ARNT2: variants seen among roughly 807,000 people sequenced by gnomAD.
The protein encoded by ARNT2 is aryl hydrocarbon receptor nuclear translocator 2, also known as ARNT protein 2.
Under a neutral mutation model 91.7 loss-of-function variants are expected in ARNT2, and 36 were observed. The observed-to-expected ratio is 0.39, with a 90% CI of 0.30 to 0.52. ARNT2 has a LOEUF of 0.52. ARNT2 is among the 20% of genes least tolerant of loss of function. The pLI, the probability that ARNT2 is intolerant of heterozygous loss-of-function variation, is 0.72. For missense variants in ARNT2, 775 were observed against 939.3 expected (o/e 0.83, Z 2.29); for synonymous variants, 365 against 347.1 (o/e 1.05, Z -0.57).
chr15:80,503,796 A>G lies in ARNT2; in HGVS notation c.623-4360A>G, dbSNP rs562358997. Among the ~76,000 whole-genome samples the G allele has an allele frequency of 1.2e-3, 188 of 152,312 alleles. 3 individuals carry two copies. The highest frequency in any genetic ancestry group is 8.7e-3 in the South Asian group (42 of 4,822). Reference sequence around the variant, plus strand: ...TCAGCACACTGAGTCAAACCATTCCACTGAATAGAATTCTGGTCTACACAT... The same window carrying G: ...TCAGCACACTGAGTCAAACCATTCCGCTGAATAGAATTCTGGTCTACACAT... On this transcript the variant is annotated intron_variant, in intron 5 of 18. Coordinates refer to ENST00000303329, the MANE Select transcript of ARNT2 (RefSeq NM_014862.4).
chr15:80,482,354 T>C (rs1896903443), intron 5 of ARNT2, among the ~76,000 whole-genome samples: 1 of 152,164 alleles, frequency 6.6e-6, no homozygotes. Flanking sequence ...TGTTAAACCT[T>C]CCCAGGTGAT....
intron 1 of ARNT2, chr15:80,444,899 G>A (rs993246269): frequency 1.3e-5 from 2 of 151,042 alleles, no homozygotes; most frequent in African/African-American, 4.9e-5. Flanking sequence ...TGCAAATGGT[G>A]TGTATGTATG....
chr15:80,435,729 A>G (rs1342015527), intron 1 of ARNT2, among the ~76,000 whole-genome samples: 2 of 152,170 alleles, frequency 1.3e-5, no homozygotes, highest in Admixed American at 1.3e-4. Flanking sequence ...GCCGTGGATC[A>G]CTTGGCACTG....
intron 5 of ARNT2, among the ~76,000 whole-genome samples, chr15:80,495,155 C>T (rs1050367976): frequency 5.9e-5 from 9 of 152,310 alleles, no homozygotes; most frequent in African/African-American, 2.2e-4. Flanking sequence ...ACCCAAACCC[C>T]AGCCGCCATC....
chr15:80,453,581 C>T (rs1241783458), intron 2 of ARNT2, among the ~76,000 whole-genome samples: 1 of 152,210 alleles, frequency 6.6e-6, no homozygotes, highest in African/African-American at 2.4e-5. Flanking sequence ...CTCCTTCAAC[C>T]ACAGCCTAAA....
At chr15:80,480,591 G>A (rs1343900236) in intron 5 of ARNT2, among the ~76,000 whole-genome samples, 1 of 152,166 alleles carries the variant, frequency 6.6e-6, no homozygotes, top group Non-Finnish European at 1.5e-5. Flanking sequence ...TGTTTCCCCT[G>A]CATCATACTT....
intron 14 of ARNT2, 86 bp downstream of exon 14, chr15:80,575,196 A>T: frequency 6.5e-7 from 1 of 1,542,046 alleles, no homozygotes; most frequent in South Asian, 1.2e-5. Context: ...TCTTAGTAAG[A>T]GGGGGCCACG....
intron 17 of ARNT2, among the ~76,000 whole-genome samples, chr15:80,590,556 A>G (rs2141488417): frequency 6.6e-6 from 1 of 152,310 alleles, no homozygotes; most frequent in South Asian, 2.1e-4. Context: ...TGGGCAACAG[A>G]GCCAGACCCC....
chr15:80,588,385 T>C (rs543928317), intron 17 of ARNT2, among the ~76,000 whole-genome samples: 1 of 152,078 alleles, frequency 6.6e-6, no homozygotes, highest in Admixed American at 6.6e-5. Flanking sequence ...TTCCCTCTCC[T>C]CTTGTCTACC....
chr15:80,581,308 G>A lies in ARNT2; in HGVS notation c.1822G>A (p.Ala608Thr). The A allele has an allele frequency of 8.1e-6, 13 of 1,614,144 alleles. No individual in the cohort carries two copies. The highest frequency in any genetic ancestry group is 1.1e-5 in the Non-Finnish European group (13 of 1,180,012). Residue 608 changes from alanine to threonine, a missense_variant, in exon 17 of 19, where the codon GCA (alanine) becomes ACA (threonine). Transcript: ENST00000303329. ...GATTGGAACGAGCCACACCTACCCG[G>A]CAGACCCCTCTTCCTACAGCCCCCT... ...FGIGTSHTYP[A>T]DPSSYSPLSS...
At chr15:80,499,724 G>A (rs577554229) in intron 5 of ARNT2, among the ~76,000 whole-genome samples, 2 of 152,322 alleles carry the variant, frequency 1.3e-5, no homozygotes, top group South Asian at 4.1e-4. Flanking sequence ...AAGAGGGTGG[G>A]TGAGTTACTA....
At chr15:80,529,945 A>C (rs1897708372) in intron 8 of ARNT2, among the ~76,000 whole-genome samples, 1 of 152,196 alleles carries the variant, frequency 6.6e-6, no homozygotes, top group Non-Finnish European at 1.5e-5. Flanking sequence ...CCTTGCGCAT[A>C]AATATTATGT....
At chr15:80,569,724 G>A (rs74027852) in intron 12 of ARNT2, among the ~76,000 whole-genome samples, 193 of 152,316 alleles carry the variant, frequency 1.3e-3, no homozygotes, top group African/African-American at 4.4e-3. Context: ...GCAAACCCCC[G>A]GCCTAATACC....
rs1452629820 is a variant in ARNT2 at position 80,404,467 on chromosome 15, C to T, written c.-49C>T. 3 of 1,188,974 alleles carry T rather than the reference C, an allele frequency of 2.5e-6. No homozygotes were observed. Among genetic ancestry groups the T allele is most frequent in the East Asian group, 6.8e-5 (1 of 14,812 alleles). 73.7% of individuals were successfully genotyped at this position (1,188,974 alleles called of 1,614,324 possible). A position where few individuals can be genotyped will look rare whatever the true frequency, so the allele number is the denominator to read the frequency against. ...CGGGGCTGAGCGCCGGGCTCCGCGCCGCCCCTCCCGCGCCCCTGCCAAGCG... is the reference window on the plus strand; with the variant it reads ...CGGGGCTGAGCGCCGGGCTCCGCGCTGCCCCTCCCGCGCCCCTGCCAAGCG... On this transcript the variant is annotated 5_prime_UTR_variant, in exon 1 of 19. Transcript: ENST00000303329. The surrounding 1 kb of genome is among the most constrained non-coding windows in gnomAD (Gnocchi z 5.5).
At chr15:80,533,705 C>T (rs1296144133) in intron 8 of ARNT2, among the ~76,000 whole-genome samples, 2 of 152,218 alleles carry the variant, frequency 1.3e-5, no homozygotes, top group East Asian at 3.9e-4. Context: ...ATTCAAGGTT[C>T]TAGGTTCCTC....
At position 80,547,223 on chromosome 15, in the gene ARNT2, G is replaced by A. The variant is rs1473489794; in HGVS notation, c.878-3976G>A. ...TCTGTGTGTCAACATTTGCGCTGAT[G>A]GCGTAAAAAGCATTGGTGGGTAAAC... On this transcript the variant is annotated intron_variant, in intron 8 of 18. Coordinates refer to ENST00000303329, the MANE Select transcript of ARNT2 (RefSeq NM_014862.4). 7.9e-5 allele frequency among the ~76,000 whole-genome samples: 12 copies of A among 152,254 alleles called. No homozygotes were observed. In the South Asian group the frequency reaches 1.5e-3, roughly 18 times the overall value.
chr15:80,551,069 G>A (rs1193885792), intron 8 of ARNT2, 130 bp from the exon 9 acceptor site: 2 of 789,242 alleles, frequency 2.5e-6, no homozygotes, highest in African/African-American at 3.5e-5. Context: ...TAATTCATTG[G>A]CTGGCTTCCC....
chr15:80,524,136 G>C (rs1897596506), intron 8 of ARNT2, among the ~76,000 whole-genome samples: 1 of 152,186 alleles, frequency 6.6e-6, no homozygotes, highest in African/African-American at 2.4e-5. Flanking sequence ...TGTGTATACA[G>C]AGACACTAAA....
chr15:80,587,972 G>C (rs985910319), intron 17 of ARNT2, among the ~76,000 whole-genome samples: 1 of 152,172 alleles, frequency 6.6e-6, no homozygotes, highest in African/African-American at 2.4e-5. Flanking sequence ...CATAGACCGC[G>C]GTCAACCACT....
Sources: allele counts gnomAD v4.1 joint callset (sites outside exome capture counted in the v4.1 genomes callset), GRCh38; gene constraint gnomAD v4.1.1; non-coding constraint Gnocchi (gnomAD v3.1); transcripts MANE v1.5; gene names NCBI Gene and HGNC (gene_info 2026-07-23, HGNC 2026-07-21).